Variants in PLCG2 observed in about 807,000 individuals in gnomAD.
PLCG2 encodes the protein 1-phosphatidylinositol 4,5-bisphosphate phosphodiesterase gamma-2.
Under a neutral mutation model 175.6 loss-of-function variants are expected in PLCG2, and 69 were observed. The ratio of observed to expected loss-of-function variants is 0.39; its 90% CI spans 0.32 to 0.48. The LOEUF (loss-of-function observed/expected upper bound fraction) is 0.48, where lower values mean the gene tolerates loss of function less well. Among genes scored for constraint, PLCG2 ranks in the 20% least tolerant of loss-of-function variants. PLCG2 has a pLI of 0.91. For synonymous variants in PLCG2, 827 were observed against 624.0 expected (o/e 1.33, Z -4.85); for missense variants, 1,798 against 1,650.9 (o/e 1.09, Z -1.54).
At chr16:81,954,533 C>T (rs1567548958) in intron 31 of PLCG2, among the ~76,000 whole-genome samples, 1 of 152,084 alleles carries the variant, frequency 6.6e-6, no homozygotes, top group Non-Finnish European at 1.5e-5. Flanking sequence ...GTGTTGTTGC[C>T]CTCCCTGTGT....
rs898227225 is a variant in PLCG2, at chr16:81,891,350, A to G, written c.868-122A>G. The G allele has an allele frequency of 5.8e-6, 4 of 692,256 alleles. No homozygotes were observed. In the African/African-American group the frequency reaches 7.0e-5, roughly 12 times the overall value. 42.9% of individuals were successfully genotyped at this position (692,256 alleles called of 1,614,324 possible). The stretch of plus-strand genomic sequence containing the variant: ...AAACGTGGGTAACTGAGGTCTGGAG[A>G]CCGCCTGTTGATTTCCCGCATCAGA... On this transcript the variant is annotated intron_variant, in intron 10 of 32. Transcript: ENST00000564138.
intron 30 of PLCG2, among the ~76,000 whole-genome samples, chr16:81,941,737 G>A (rs1046255413): frequency 5.4e-5 from 8 of 149,306 alleles, no homozygotes; most frequent in South Asian, 2.1e-4. Flanking sequence ...TTGCTCTGTC[G>A]CTCAGGCTGG....
chr16:81,915,311 G>T (rs763729072), intron 19 of PLCG2, among the ~76,000 whole-genome samples: 26 of 152,204 alleles, frequency 1.7e-4, no homozygotes, highest in Non-Finnish European at 3.5e-4. Context: ...GGGCTCTGGG[G>T]ATGTGTAATG....
chr16:81,792,309 C>G (rs1185741863), intron 2 of PLCG2, among the ~76,000 whole-genome samples: 1 of 151,776 alleles, frequency 6.6e-6, no homozygotes, highest in Non-Finnish European at 1.5e-5. Context: ...TGGCGAAGCC[C>G]CATCTCTACT....
At chr16:81,955,664 G>A (rs1369668233) in intron 31 of PLCG2, among the ~76,000 whole-genome samples, 1 of 152,122 alleles carries the variant, frequency 6.6e-6, no homozygotes, top group African/African-American at 2.4e-5. Context: ...TGACTCAATA[G>A]CAACGTGGCC....
intron 9 of PLCG2, 142 bp from the exon 10 acceptor site, chr16:81,889,030 C>T (rs1908505904): frequency 3.4e-6 from 2 of 587,814 alleles, no homozygotes; most frequent in Non-Finnish European, 6.2e-6. Context: ...AGAATGAGGC[C>T]TCAACATGTG....
At chr16:81,900,842 C>G (rs1040195037) in intron 14 of PLCG2, 62 bp downstream of exon 14, 4 of 1,485,778 alleles carry the variant, frequency 2.7e-6, no homozygotes, top group African/African-American at 2.8e-5. Flanking sequence ...TTCCCCGGCT[C>G]TGGGTCCCGT....
At chr16:81,803,517 T>TCTTTCTTTC (rs1911836472) in intron 2 of PLCG2, among the ~76,000 whole-genome samples, 1 of 131,866 alleles carries the variant, frequency 7.6e-6, no homozygotes, top group African/African-American at 2.6e-5. Context: ...TTTTCTTTGT[T>TCTTTCTTTC]CTTTCTTTCC....
In PLCG2 at chr16:81,939,888, C is replaced by A. The variant is rs756602333; in HGVS notation, c.3314-4C>A. On this transcript the variant is annotated splice_polypyrimidine_tract_variant and splice_region_variant and intron_variant, in intron 29 of 32. Transcript: ENST00000564138. Reference sequence around the variant, plus strand: ...GCCTCTCATGAGCTTTGATCTCCTTCCAGATGATAATGGCCTCAGCCCTAT... The same window carrying A: ...GCCTCTCATGAGCTTTGATCTCCTTACAGATGATAATGGCCTCAGCCCTAT... 6.2e-6 allele frequency: 10 copies of A among 1,610,642 alleles called. No homozygotes were observed. The Admixed American group carries it at 1.7e-4, about 27-fold the overall frequency.
At chr16:81,952,972 G>A (rs537877863) in intron 31 of PLCG2, among the ~76,000 whole-genome samples, 1 of 152,318 alleles carries the variant, frequency 6.6e-6, no homozygotes, top group East Asian at 1.9e-4. Flanking sequence ...CAACCACCTG[G>A]AATAAGGCAG....
intron 2 of PLCG2, among the ~76,000 whole-genome samples, chr16:81,844,200 A>G (rs1905990221): frequency 7.9e-6 from 1 of 126,802 alleles, no homozygotes; most frequent in Non-Finnish European, 1.6e-5. Flanking sequence ...TTCACGTGTT[A>G]GCCAGGATGG....
At chr16:81,938,206 G>C (rs568882388) in intron 28 of PLCG2, among the ~76,000 whole-genome samples, 2 of 151,794 alleles carry the variant, frequency 1.3e-5, no homozygotes, top group South Asian at 2.1e-4. Context: ...GAAAGAGAAA[G>C]AAAACATGGG....
chr16:81,928,364 C>G (rs1910363668), intron 23 of PLCG2, among the ~76,000 whole-genome samples, 194 bp from the exon 24 acceptor site: 1 of 152,084 alleles, frequency 6.6e-6, no homozygotes, highest in Non-Finnish European at 1.5e-5. Context: ...CTCCTGGCAC[C>G]CTCTCCCCGC....
intron 2 of PLCG2, among the ~76,000 whole-genome samples, chr16:81,808,265 G>A (rs764553503): frequency 6.6e-6 from 1 of 152,142 alleles, no homozygotes; most frequent in Non-Finnish European, 1.5e-5. Flanking sequence ...ACACTGTTTT[G>A]CATTTGCCAA....
intron 27 of PLCG2, among the ~76,000 whole-genome samples, chr16:81,937,174 C>T (rs989109333): frequency 1.3e-5 from 2 of 152,144 alleles, no homozygotes; most frequent in South Asian, 2.1e-4. Flanking sequence ...AGATCGTGGG[C>T]GGGGATGCAA....
chr16:81,947,710 A>G (rs973245280), intron 31 of PLCG2, among the ~76,000 whole-genome samples: 1 of 152,224 alleles, frequency 6.6e-6, no homozygotes, highest in East Asian at 1.9e-4. Flanking sequence ...AGCCATTTAC[A>G]TGTCACAATT....
rs145533399 is a variant in PLCG2 at position 81,819,089 on chromosome 16, A to G, written c.193+32907A>G. Among the ~76,000 whole-genome samples, 1,095 of 152,212 alleles carry G rather than the reference A, an allele frequency of 7.2e-3. 5 individuals carry two copies. Among genetic ancestry groups the G allele is most frequent in the Non-Finnish European group, 0.012 (784 of 68,002 alleles). On this transcript the variant is annotated intron_variant, in intron 2 of 32. Transcript: ENST00000564138. ...TCCAGTGACTTGCTCAAGTCTACACAGCGGGGCATGGCAGAGTTCAGATCC... is the reference window on the plus strand; with the variant it reads ...TCCAGTGACTTGCTCAAGTCTACACGGCGGGGCATGGCAGAGTTCAGATCC...
chr16:81,818,489 C>G (rs1040037271), intron 2 of PLCG2, among the ~76,000 whole-genome samples: 2 of 152,084 alleles, frequency 1.3e-5, no homozygotes, highest in Admixed American at 6.6e-5. Context: ...TGGGTGAATG[C>G]CATTCTTCCT....
At position 81,956,817 on chromosome 16, in the gene PLCG2, G is replaced by A. The variant is rs62046284; in HGVS notation, c.3693G>A (p.Leu1231=). 42 of 1,614,046 alleles carry A rather than the reference G, an allele frequency of 2.6e-5. No homozygotes were observed. The highest frequency in any genetic ancestry group is 3.2e-5 in the Non-Finnish European group (38 of 1,180,022). The change falls in exon 32 of 33, where the codon CTG becomes CTA. Residue 1231 remains leucine (L), a synonymous_variant. Coordinates refer to ENST00000564138, the MANE Select transcript of PLCG2 (RefSeq NM_002661.5). ...QNLRNANRDA[L]VKEFSVNENQ... ...TGCGCAATGCCAACCGGGATGCCCT[G>A]GTTAAAGAGTTCAGTGTTAATGAGA...
Sources: gnomAD v4.1 joint callset for allele counts (sites outside exome capture counted in the v4.1 genomes callset) on GRCh38, gnomAD v4.1.1 for gene constraint, MANE v1.5 for transcripts, NCBI Gene and HGNC (gene_info 2026-07-23, HGNC 2026-07-21) for gene names.